Variants in ST6GAL2 observed in about 807,000 individuals in gnomAD.
The protein encoded by ST6GAL2 is beta-galactoside alpha-2,6-sialyltransferase 2.
Under a neutral mutation model 37.5 loss-of-function variants are expected in ST6GAL2, and 24 were observed. That is an observed-to-expected ratio of 0.64 (90% CI 0.46 to 0.90). The LOEUF is 0.90. Among genes scored for constraint, ST6GAL2 ranks in the 40% least tolerant of loss-of-function variants. ST6GAL2 has a pLI of 0.00. For synonymous variants in ST6GAL2, 306 were observed against 295.1 expected (o/e 1.04, Z -0.38); for missense variants, 715 against 712.7 (o/e 1.00, Z -0.04).
chr2:106,884,922 TATATATATATATAC>T lies in ST6GAL2; in HGVS notation c.-58+1157_-58+1170del, dbSNP rs1430609199. Among the ~76,000 whole-genome samples, 8 of 120,880 alleles carry T rather than the reference TATATATATATATAC, an allele frequency of 6.6e-5. No individual in the cohort carries two copies. In the East Asian group the frequency reaches 1.2e-3, roughly 19 times the overall value. The allele number at this position is 120,880 out of a possible 152,430, so 79.3% of individuals were successfully genotyped here. Reference sequence around the variant, plus strand: ...TTTGCAGCGCATATATATATATATATATATATATATATACATACACACACACACATATATACATA... The same window carrying T: ...TTTGCAGCGCATATATATATATATATATACACACACACACATATATACATA... On this transcript the variant is annotated intron_variant, in intron 1 of 5. Coordinates refer to ENST00000409382, the MANE Select transcript of ST6GAL2 (RefSeq NM_001142351.2).
chr2:106,844,112 G>A, intron 1 of ST6GAL2, 78 bp from the exon 2 acceptor site: 1 of 678,320 alleles, frequency 1.5e-6, no homozygotes, highest in Non-Finnish European at 2.4e-6. Context: ...ATCTTGAGCA[G>A]TGTTTCTGTA....
At chr2:106,845,921 G>A (rs1265514252) in intron 1 of ST6GAL2, among the ~76,000 whole-genome samples, 1 of 152,150 alleles carries the variant, frequency 6.6e-6, no homozygotes, top group East Asian at 1.9e-4. Context: ...CACTCTGGGG[G>A]AAGCCAGACA....
chr2:106,836,773 C>CAAAAAAAAAA (rs70956213), intron 2 of ST6GAL2, among the ~76,000 whole-genome samples: 181 of 70,042 alleles, frequency 2.6e-3, no homozygotes, highest in East Asian at 8.0e-3. Flanking sequence ...ACTAAAAATA[C>CAAAAAAAAAA]AAAAAAAAAA....
At chr2:106,838,905 G>A (rs185469704) in intron 2 of ST6GAL2, among the ~76,000 whole-genome samples, 29 of 152,052 alleles carry the variant, frequency 1.9e-4, no homozygotes, top group East Asian at 5.8e-4. Flanking sequence ...GTATGGTGGC[G>A]CGTGCCTGTA....
intron 5 of ST6GAL2, among the ~76,000 whole-genome samples, chr2:106,807,864 TC>T (rs901839671): frequency 2.0e-5 from 3 of 151,866 alleles, no homozygotes; most frequent in Non-Finnish European, 4.4e-5. Flanking sequence ...GACCTCCTGC[TC>T]CCCCCACCTC....
intron 5 of ST6GAL2, among the ~76,000 whole-genome samples, 156 bp downstream of exon 5, chr2:106,829,910 A>T (rs929860611): frequency 2.0e-5 from 1 of 50,212 alleles, no homozygotes; most frequent in African/African-American, 5.7e-5. Flanking sequence ...ATATTCTGAA[A>T]TCTGAAAAAA....
chr2:106,832,732 G>C (rs1183811403), intron 3 of ST6GAL2, 66 bp from the exon 4 acceptor site: 1 of 1,052,780 alleles, frequency 9.5e-7, no homozygotes, highest in Admixed American at 1.7e-5. Context: ...ATTTTAAAAA[G>C]AGGTGAAAAT....
intron 5 of ST6GAL2, among the ~76,000 whole-genome samples, chr2:106,811,916 G>A (rs925292880): frequency 7.2e-5 from 11 of 152,142 alleles, no homozygotes; most frequent in Non-Finnish European, 1.5e-4. Context: ...AAAAAGTCCA[G>A]GGGAACCAGG....
intron 1 of ST6GAL2, among the ~76,000 whole-genome samples, chr2:106,847,205 C>T (rs1182006908): frequency 1.3e-5 from 2 of 152,176 alleles, no homozygotes; most frequent in Non-Finnish European, 2.9e-5. Flanking sequence ...TTTCTAAATG[C>T]CTGCTCTCAA....
chr2:106,880,568 C>A (rs1368954881), intron 1 of ST6GAL2, among the ~76,000 whole-genome samples: 1 of 152,226 alleles, frequency 6.6e-6, no homozygotes, highest in African/African-American at 2.4e-5. Flanking sequence ...TTTACACAAA[C>A]ATTCACATTC....
At chr2:106,848,097 T>TGCG (rs1477480151) in intron 1 of ST6GAL2, among the ~76,000 whole-genome samples, 13 of 150,908 alleles carry the variant, frequency 8.6e-5, no homozygotes, top group Non-Finnish European at 1.6e-4. Flanking sequence ...GGCTGCAGTG[T>TGCG]GCGGTGGCAC....
At chr2:106,830,266 C>A in intron 4 of ST6GAL2, 26 bp from the exon 5 acceptor site, 1 of 1,593,796 alleles carries the variant, frequency 6.3e-7, no homozygotes, top group South Asian at 1.1e-5. Flanking sequence ...TCAATGCAGT[C>A]AAGTAGAAAG....
intron 1 of ST6GAL2, among the ~76,000 whole-genome samples, chr2:106,845,929 A>C (rs1047450902): frequency 6.6e-6 from 1 of 152,160 alleles, no homozygotes; most frequent in African/African-American, 2.4e-5. Flanking sequence ...GGGAAGCCAG[A>C]CACCAGTGAA....
chr2:106,831,226 G>C (rs1254863522), intron 4 of ST6GAL2, among the ~76,000 whole-genome samples: 7 of 152,204 alleles, frequency 4.6e-5, no homozygotes, highest in Non-Finnish European at 1.0e-4. Context: ...GGGAGCAAGA[G>C]GAATGTGGGG....
At chr2:106,871,551 C>T (rs1678268521) in intron 1 of ST6GAL2, among the ~76,000 whole-genome samples, 1 of 152,166 alleles carries the variant, frequency 6.6e-6, no homozygotes, top group South Asian at 2.1e-4. Flanking sequence ...ACACATTGTA[C>T]AGCTGTACAA....
rs371586639 is a variant in ST6GAL2, at chr2:106,807,255, G to A, written c.1319-306C>T. ...GAACTTGAGGGAACCACACGCTAGT[G>A]AAGGACAGATTTGCAACCCCCCAAA... is the stretch of plus-strand genomic sequence containing the variant. On this transcript the variant is annotated intron_variant, in intron 5 of 5. Transcript: ENST00000409382. Among the ~76,000 whole-genome samples the A allele has an allele frequency of 1.2e-4, 18 of 152,292 alleles. No individual in the cohort carries two copies. The South Asian group carries it at 3.5e-3, about 30-fold the overall frequency.
At chr2:106,807,025 G>T in intron 5 of ST6GAL2, 76 bp from the exon 6 acceptor site, 1 of 1,261,208 alleles carries the variant, frequency 7.9e-7, no homozygotes, top group Non-Finnish European at 1.1e-6. Flanking sequence ...GGGAGGGGTG[G>T]TGGTGATGGG....
chr2:106,825,472 TTG>T (rs1326136617), intron 5 of ST6GAL2, among the ~76,000 whole-genome samples: 2 of 152,260 alleles, frequency 1.3e-5, no homozygotes, highest in Admixed American at 1.3e-4. Flanking sequence ...CCCATGGAAA[TTG>T]TGTGAGAGAA....
At chr2:106,857,779 G>A (rs142707807) in intron 1 of ST6GAL2, among the ~76,000 whole-genome samples, 77 of 152,148 alleles carry the variant, frequency 5.1e-4, no homozygotes, top group Middle Eastern at 3.4e-3. Context: ...TTCTCTGTCC[G>A]TAGAGTGGCC....
Sources: gnomAD v4.1 joint callset for allele counts (sites outside exome capture counted in the v4.1 genomes callset) on GRCh38, gnomAD v4.1.1 for gene constraint, MANE v1.5 for transcripts, NCBI Gene and HGNC (gene_info 2026-07-23, HGNC 2026-07-21) for gene names.